The following PCDHA4 variants were observed in gnomAD, a reference collection of about 807,000 sequenced individuals.
PCDHA4 encodes the protein protocadherin alpha-4.
In PCDHA4, 49 loss-of-function variants were observed where a neutral mutation model predicts 61.4. The ratio of observed to expected loss-of-function variants is 0.80; its 90% CI spans 0.63 to 1.01. The LOEUF is 1.01. Among genes scored for constraint, PCDHA4 ranks in the 50% least tolerant of loss-of-function variants. PCDHA4 has a pLI of 0.00. For synonymous variants in PCDHA4, 590 were observed against 550.3 expected (o/e 1.07, Z -1.01); for missense variants, 1,254 against 1,235.8 (o/e 1.01, Z -0.22).
chr5:140,973,590 A>G (rs562109843), intron 1 of PCDHA4, among the ~76,000 whole-genome samples: 3 of 152,340 alleles, frequency 2.0e-5, no homozygotes, highest in Non-Finnish European at 4.4e-5. Context: ...GCTGAGCCAG[A>G]TGGAATTATG....
intron 1 of PCDHA4, chr5:140,863,098 A>C (rs781829362): frequency 1.7e-6 from 1 of 578,270 alleles, no homozygotes; most frequent in Non-Finnish European, 3.4e-6. Context: ...CACGACGAGT[A>C]CCCTGGACGA....
chr5:140,937,567 G>A lies in PCDHA4; in HGVS notation c.2386-41382G>A, dbSNP rs1218260457. On this transcript the variant is annotated intron_variant, in intron 1 of 3. Transcript: ENST00000530339. ...GCGAGGCAGAGGTTGCAGTGAGCTG[G>A]GATCGCGTCACTGCACTCTAGCCTG... 1.9e-3 allele frequency among the ~76,000 whole-genome samples: 288 copies of A among 150,684 alleles called. 1 individual carries two copies. Among genetic ancestry groups the A allele is most frequent in the African/African-American group, 6.8e-3 (278 of 40,792 alleles).
intron 1 of PCDHA4, among the ~76,000 whole-genome samples, chr5:140,960,579 C>G (rs2095556928): frequency 6.6e-6 from 1 of 152,052 alleles, no homozygotes; most frequent in South Asian, 2.1e-4. Context: ...AGTTGGAAAA[C>G]AGTTCAAATT....
At chr5:140,940,731 G>C (rs1195223562) in intron 1 of PCDHA4, among the ~76,000 whole-genome samples, 1 of 152,280 alleles carries the variant, frequency 6.6e-6, no homozygotes, top group South Asian at 2.1e-4. Context: ...CAGCTGGACA[G>C]CTCCATATTT....
At chr5:140,928,928 C>T in intron 1 of PCDHA4, 3 of 1,614,130 alleles carry the variant, frequency 1.9e-6, no homozygotes, top group Non-Finnish European at 2.5e-6. Context: ...CAGCTTTCTG[C>T]CCAGAACTTG....
intron 1 of PCDHA4, among the ~76,000 whole-genome samples, chr5:140,839,959 T>C (rs1776495243): frequency 6.6e-6 from 1 of 151,872 alleles, no homozygotes; most frequent in South Asian, 2.1e-4. Context: ...ACATATTTTC[T>C]GTAAAATATG....
At chr5:140,824,015 G>T in intron 1 of PCDHA4, 1 of 1,614,132 alleles carries the variant, frequency 6.2e-7, no homozygotes, top group Non-Finnish European at 8.5e-7. Flanking sequence ...GTGGGGAGCT[G>T]GTCGTACTCG....
intron 1 of PCDHA4, chr5:140,862,381 C>G (rs191367875): frequency 4.0e-5 from 14 of 346,954 alleles, no homozygotes; most frequent in Non-Finnish European, 7.4e-5. Flanking sequence ...TGACTCCTCA[C>G]GTCTCTTCAA....
At chr5:140,990,155 G>GT (rs1274867030) in intron 3 of PCDHA4, among the ~76,000 whole-genome samples, 4 of 152,076 alleles carry the variant, frequency 2.6e-5, no homozygotes, top group African/African-American at 9.7e-5. Context: ...ATAATAGAAA[G>GT]TTAGGGTATG....
chr5:140,986,401 C>T (rs782437347), intron 3 of PCDHA4, among the ~76,000 whole-genome samples: 1 of 152,172 alleles, frequency 6.6e-6, no homozygotes. Context: ...GCCAGTCGCT[C>T]ATGTTACAGC....
intron 2 of PCDHA4, among the ~76,000 whole-genome samples, chr5:140,979,789 C>CAAAT (rs1244398411): frequency 2.6e-5 from 4 of 152,148 alleles, no homozygotes; most frequent in African/African-American, 9.7e-5. Context: ...GACCAAGAAA[C>CAAAT]AAATGATCAC....
Position 140,982,485 on chromosome 5 carries a change from C to T in PCDHA4, c.2455C>T (p.Leu819=). 1 of 1,614,100 alleles carries T rather than the reference C, an allele frequency of 6.2e-7. No homozygotes were observed. The highest frequency in any genetic ancestry group is 8.5e-7 in the Non-Finnish European group (1 of 1,180,004). The part of the protein sequence containing the change: ...LRAGMHSSVH[L]EEAGILRAGP... ...TGTGTGTTTATTCAGCTCTGTGCAC[C>T]TAGAGGAGGCTGGCATTCTACGGGC... The change falls in exon 3 of 4, where the codon CTA becomes TTA. Residue 819 remains leucine (L), a synonymous_variant. Coordinates refer to ENST00000530339, the MANE Select transcript of PCDHA4 (RefSeq NM_018907.4).
At chr5:140,879,653 AACAAACGAAC>A (rs1168940497) in intron 1 of PCDHA4, among the ~76,000 whole-genome samples, 1 of 152,232 alleles carries the variant, frequency 6.6e-6, no homozygotes, top group African/African-American at 2.4e-5. Flanking sequence ...TGGCTGCTAT[AACAAACGAAC>A]ACAAACTGGG....
chr5:140,809,362 G>A lies in PCDHA4; in HGVS notation c.2175G>A (p.Ala725=). The A allele has an allele frequency of 6.2e-7, 1 of 1,614,020 alleles. No individual in the cohort carries two copies. The highest frequency in any genetic ancestry group is 8.5e-7 in the Non-Finnish European group (1 of 1,179,928). Residue 725 remains alanine, a synonymous_variant, in exon 1 of 4, where the codon GCG becomes GCA. Coordinates refer to ENST00000530339, the MANE Select transcript of PCDHA4 (RefSeq NM_018907.4). ...TGTACACCGCGCTGCGGTGCTCTGCGCTGCCCACCGAGGGCGCGTGCGCTC... is the reference window on the plus strand; with the variant it reads ...TGTACACCGCGCTGCGGTGCTCTGCACTGCCCACCGAGGGCGCGTGCGCTC... ...LLLYTALRCS[A]LPTEGACAPG... is the part of the protein sequence containing the mutation.
chr5:140,998,910 A>T (rs1346967203), intron 3 of PCDHA4, among the ~76,000 whole-genome samples: 1 of 152,230 alleles, frequency 6.6e-6, no homozygotes, highest in South Asian at 2.1e-4. Context: ...TCCGGGAGGT[A>T]GCTATTATAT....
intron 1 of PCDHA4, among the ~76,000 whole-genome samples, chr5:140,963,667 T>G (rs1206076549): frequency 3.9e-5 from 6 of 152,238 alleles, no homozygotes; most frequent in African/African-American, 1.4e-4. Context: ...CTATATGGCA[T>G]AGTTAAATGT....
chr5:140,972,829 A>G (rs1554234573), intron 1 of PCDHA4, among the ~76,000 whole-genome samples: 1 of 151,808 alleles, frequency 6.6e-6, no homozygotes, highest in Non-Finnish European at 1.5e-5. Flanking sequence ...ACGCCTGGCT[A>G]ATTTTTGTAT....
Position 140,843,203 on chromosome 5 carries a change from A to T in PCDHA4, c.2385+33631A>T, listed in dbSNP as rs149174279. 6.3e-7 allele frequency: 1 copy of T among 1,595,824 alleles called. No homozygotes were observed. The highest frequency in any genetic ancestry group is 1.3e-5 in the African/African-American group (1 of 74,416). ...CATCCCGTTCCGCGTGGGGCTGTAC[A>T]CGGGCGAGATCAGCACCACTCGTGT... On this transcript the variant is annotated intron_variant, in intron 1 of 3. Transcript: ENST00000530339.
intron 1 of PCDHA4, among the ~76,000 whole-genome samples, chr5:140,817,989 A>G (rs1766253634): frequency 1.3e-5 from 2 of 152,092 alleles, no homozygotes; most frequent in African/African-American, 4.8e-5. Context: ...TACTTTGTAT[A>G]CTTACTCTGT....
Sources: allele counts gnomAD v4.1 joint callset (sites outside exome capture counted in the v4.1 genomes callset), GRCh38; gene constraint gnomAD v4.1.1; transcripts MANE v1.5; gene names NCBI Gene and HGNC (gene_info 2026-07-23, HGNC 2026-07-21).